Variants in SND1 observed in about 807,000 individuals in gnomAD.
SND1 encodes staphylococcal nuclease and tudor domain containing 1.
SND1 carries 38 observed loss-of-function variants against 121.7 expected under a neutral mutation model. The ratio of observed to expected loss-of-function variants is 0.31; its 90% confidence interval spans 0.24 to 0.41. SND1 has a LOEUF of 0.41. Ranked by LOEUF, SND1 falls within the 10% of genes least tolerant of loss-of-function variation. The probability of loss-of-function intolerance (pLI) is 1.00; values close to 1 mark genes in which losing one functional copy is unlikely to be tolerated. For missense variants in SND1, 868 were observed against 1,184.6 expected (o/e 0.73, Z 3.92); for synonymous variants, 401 against 447.4 (o/e 0.90, Z 1.31).
At position 127,686,558 on chromosome 7, in the gene SND1, A is replaced by G. The variant is rs184791423; in HGVS notation, c.79-55A>G. ...GGGGATACGGTGGTACACAACCTGCATTATGGTGATACGGCCTCTGGACCA... is the reference window on the plus strand; with the variant it reads ...GGGGATACGGTGGTACACAACCTGCGTTATGGTGATACGGCCTCTGGACCA... On this transcript the variant is annotated intron_variant, in intron 1 of 23. Coordinates refer to ENST00000354725, the MANE Select transcript of SND1 (RefSeq NM_014390.4). 490 of 1,576,960 alleles carry G rather than the reference A, an allele frequency of 3.1e-4. 1 individual carries two copies. In the African/African-American group the frequency reaches 5.9e-3, roughly 19 times the overall value.
At chr7:127,853,238 C>T (rs1374562213) in intron 12 of SND1, among the ~76,000 whole-genome samples, 1 of 152,156 alleles carries the variant, frequency 6.6e-6, no homozygotes, top group African/African-American at 2.4e-5. Flanking sequence ...CTGGGATGTG[C>T]TTTGCAGAAG....
chr7:128,063,986 A>G (rs753402539), intron 16 of SND1, among the ~76,000 whole-genome samples: 66 of 152,242 alleles, frequency 4.3e-4, no homozygotes, highest in Non-Finnish European at 7.5e-4. Context: ...GAATTCCAAC[A>G]TTAGTGGAGA....
intron 1 of SND1, among the ~76,000 whole-genome samples, chr7:127,665,125 G>C (rs1795389986): frequency 6.6e-6 from 1 of 151,908 alleles, no homozygotes; most frequent in Non-Finnish European, 1.5e-5. Flanking sequence ...ACATGTTTCT[G>C]TACTCCTGCA....
At chr7:127,724,374 A>G (rs114409199) in intron 10 of SND1, among the ~76,000 whole-genome samples, 1 of 152,340 alleles carries the variant, frequency 6.6e-6, no homozygotes, top group African/African-American at 2.4e-5. Context: ...AATGACAAGA[A>G]TGAGTTTTGG....
intron 15 of SND1, among the ~76,000 whole-genome samples, chr7:127,959,755 G>T (rs531268119): frequency 6.6e-6 from 1 of 152,124 alleles, no homozygotes; most frequent in Non-Finnish European, 1.5e-5. Context: ...GTTAAATTGC[G>T]AGAAGGTGAG....
chr7:127,702,375 C>A, intron 5 of SND1, 60 bp from the exon 6 acceptor site: 1 of 1,459,842 alleles, frequency 6.9e-7, no homozygotes, highest in Non-Finnish European at 9.6e-7. Flanking sequence ...TTTGATTGGG[C>A]AGTGTTTATC....
chr7:127,665,226 G>T (rs1000884759), intron 1 of SND1, among the ~76,000 whole-genome samples: 1 of 149,486 alleles, frequency 6.7e-6, no homozygotes, highest in Non-Finnish European at 1.5e-5. Flanking sequence ...TCACTCTGTC[G>T]CCCAGGCTGC....
chr7:127,709,587 T>A (rs1013538416), intron 9 of SND1, among the ~76,000 whole-genome samples: 1 of 152,236 alleles, frequency 6.6e-6, no homozygotes, highest in African/African-American at 2.4e-5. Flanking sequence ...ATGACTTTGT[T>A]GGTAATTAGA....
At chr7:128,002,860 A>C (rs1802869029) in intron 16 of SND1, among the ~76,000 whole-genome samples, 1 of 152,190 alleles carries the variant, frequency 6.6e-6, no homozygotes, top group Admixed American at 6.5e-5. Context: ...TTTGTCCTTG[A>C]CCTGCATTAA....
chr7:127,962,633 G>A (rs956668174), intron 15 of SND1, among the ~76,000 whole-genome samples: 2 of 152,160 alleles, frequency 1.3e-5, no homozygotes, highest in African/African-American at 2.4e-5. Context: ...AGGTTATGGT[G>A]TGGGTCATAA....
At chr7:127,959,909 G>A (rs528494949) in intron 15 of SND1, among the ~76,000 whole-genome samples, 2 of 151,988 alleles carry the variant, frequency 1.3e-5, no homozygotes, top group East Asian at 3.9e-4. Context: ...GGAAATCTAT[G>A]TTGTATCAGT....
chr7:128,053,056 A>C (rs951536597), intron 16 of SND1, among the ~76,000 whole-genome samples: 1 of 152,268 alleles, frequency 6.6e-6, no homozygotes, highest in Non-Finnish European at 1.5e-5. Flanking sequence ...AGCCAGATTA[A>C]ATAGTGTGTT....
chr7:128,000,530 G>C (rs921913405), intron 16 of SND1, among the ~76,000 whole-genome samples: 1 of 152,002 alleles, frequency 6.6e-6, no homozygotes, highest in African/African-American at 2.4e-5. Flanking sequence ...CCCATGCCCA[G>C]CTAATGTTTT....
At chr7:127,807,679 C>CA in intron 11 of SND1, 106 bp downstream of exon 11, 1 of 820,828 alleles carries the variant, frequency 1.2e-6, no homozygotes, top group South Asian at 1.5e-5. Flanking sequence ...TGACACTTCT[C>CA]CATCAAGTCA....
chr7:127,809,006 G>A (rs1798289284), intron 11 of SND1, among the ~76,000 whole-genome samples: 1 of 152,164 alleles, frequency 6.6e-6, no homozygotes, highest in South Asian at 2.1e-4. Flanking sequence ...GCATCCACCT[G>A]GTTTATTTGA....
intron 10 of SND1, among the ~76,000 whole-genome samples, chr7:127,793,123 G>A (rs910509625): frequency 3.3e-5 from 5 of 152,212 alleles, no homozygotes; most frequent in African/African-American, 9.7e-5. Flanking sequence ...GGGCAAGCAC[G>A]CATTATGTGT....
intron 15 of SND1, among the ~76,000 whole-genome samples, chr7:127,960,681 A>G (rs1439846704): frequency 2.0e-5 from 3 of 152,228 alleles, no homozygotes; most frequent in Non-Finnish European, 4.4e-5. Context: ...TGTATCCACC[A>G]TGATTCCTTT....
chr7:128,067,855 G>A (rs191570321), intron 16 of SND1, among the ~76,000 whole-genome samples: 4 of 151,982 alleles, frequency 2.6e-5, no homozygotes, highest in Admixed American at 6.5e-5. Context: ...CTGTGTGAAC[G>A]CTCTCCTTTG....
chr7:127,897,149 G>T (rs535100784), intron 13 of SND1, among the ~76,000 whole-genome samples: 2 of 152,040 alleles, frequency 1.3e-5, no homozygotes, highest in African/African-American at 4.8e-5. Context: ...TCTGCCTCCC[G>T]CCAGCACCCT....
Sources: allele counts gnomAD v4.1 joint callset (sites outside exome capture counted in the v4.1 genomes callset), GRCh38; gene constraint gnomAD v4.1.1; transcripts MANE v1.5; gene names NCBI Gene and HGNC (gene_info 2026-07-23, HGNC 2026-07-21).